Variants in SLC39A11 observed in about 807,000 individuals in gnomAD.
SLC39A11 encodes the protein zinc transporter ZIP11.
Under a neutral mutation model 36.1 loss-of-function variants are expected in SLC39A11, and 33 were observed. That is an observed-to-expected ratio of 0.91 (90% CI 0.69 to 1.22). The LOEUF is 1.22. Ranked by LOEUF, SLC39A11 falls within the 50% of genes most tolerant of loss-of-function variation. SLC39A11 has a pLI of 0.00. For synonymous variants in SLC39A11, 166 were observed against 170.3 expected, an observed-to-expected ratio of 0.97 and a Z score of 0.20; for missense variants, 432 against 430.3, an observed-to-expected ratio of 1.00 and a Z score of -0.03.
At chr17:72,762,799 C>G (rs979820669) in intron 6 of SLC39A11, among the ~76,000 whole-genome samples, 5 of 151,966 alleles carry the variant, frequency 3.3e-5, no homozygotes, top group Non-Finnish European at 5.9e-5. Context: ...TCGATTCCTA[C>G]TCAAACAGAA....
intron 5 of SLC39A11, among the ~76,000 whole-genome samples, chr17:72,900,865 G>C (rs1019776170): frequency 6.6e-6 from 1 of 152,072 alleles, no homozygotes; most frequent in Non-Finnish European, 1.5e-5. Flanking sequence ...TCTCACAGGC[G>C]ACAGCACAGT....
intron 5 of SLC39A11, among the ~76,000 whole-genome samples, chr17:72,860,028 AGGG>A (rs1456484967): frequency 1.1e-5 from 1 of 92,776 alleles, no homozygotes; most frequent in Admixed American, 1.2e-4. Context: ...AGGGGAGGGG[AGGG>A]GAGGGGAGGG....
At chr17:72,959,136 T>C (rs994969761) in intron 4 of SLC39A11, among the ~76,000 whole-genome samples, 47 of 151,538 alleles carry the variant, frequency 3.1e-4, no homozygotes, top group African/African-American at 1.1e-3. Flanking sequence ...AAAGTACAAA[T>C]ACCATTTGAT....
At chr17:72,915,689 G>C (rs2147176590) in intron 5 of SLC39A11, among the ~76,000 whole-genome samples, 1 of 152,350 alleles carries the variant, frequency 6.6e-6, no homozygotes, top group African/African-American at 2.4e-5. Flanking sequence ...TCCTGGCAGT[G>C]GGCGAAAGCC....
intron 7 of SLC39A11, among the ~76,000 whole-genome samples, chr17:72,711,095 T>C (rs1231045111): frequency 6.6e-6 from 1 of 152,192 alleles, no homozygotes; most frequent in East Asian, 1.9e-4. Context: ...AGCCTCTCCC[T>C]TTCCTCCTTC....
intron 6 of SLC39A11, among the ~76,000 whole-genome samples, chr17:72,801,258 T>A (rs1450078854): frequency 6.6e-6 from 1 of 152,236 alleles, no homozygotes; most frequent in Non-Finnish European, 1.5e-5. Flanking sequence ...TCTCATTCTG[T>A]CATCCATGCT....
At chr17:72,794,850 T>C (rs188032090) in intron 6 of SLC39A11, among the ~76,000 whole-genome samples, 3 of 151,948 alleles carry the variant, frequency 2.0e-5, no homozygotes, top group Non-Finnish European at 4.4e-5. Context: ...ACAACACACA[T>C]TGACTATCTC....
rs567998753 is a variant in SLC39A11, at chr17:72,694,555, T to C, written c.671+42095A>G. Among the ~76,000 whole-genome samples, 44 of 152,368 alleles carry C rather than the reference T, an allele frequency of 2.9e-4. 1 individual carries two copies. The highest frequency in any genetic ancestry group is 7.2e-4 in the Admixed American group (11 of 15,306). Reference sequence around the variant, plus strand: ...TCCATTGCCCCAACCACTGCGGGACTTGTTTTGTAGCAGGGCTGGTTTGGA... The same window carrying C: ...TCCATTGCCCCAACCACTGCGGGACCTGTTTTGTAGCAGGGCTGGTTTGGA... On this transcript the variant is annotated intron_variant, in intron 7 of 9. Coordinates refer to ENST00000255559, the MANE Select transcript of SLC39A11 (RefSeq NM_139177.4).
intron 4 of SLC39A11, among the ~76,000 whole-genome samples, chr17:73,000,311 A>C: frequency 8.1e-6 from 1 of 124,038 alleles, no homozygotes; most frequent in Non-Finnish European, 1.6e-5. Flanking sequence ...TCTCTCTCTC[A>C]ATCCCTCTCC....
At chr17:72,922,326 A>G (rs953746470) in intron 5 of SLC39A11, among the ~76,000 whole-genome samples, 20 of 152,336 alleles carry the variant, frequency 1.3e-4, no homozygotes, top group African/African-American at 4.8e-4. Flanking sequence ...TCTCACTTCA[A>G]TAAACTACTT....
At chr17:72,860,726 A>C (rs1303658324) in intron 5 of SLC39A11, among the ~76,000 whole-genome samples, 1 of 152,174 alleles carries the variant, frequency 6.6e-6, no homozygotes, top group Non-Finnish European at 1.5e-5. Flanking sequence ...TATCGGTGTC[A>C]TTGCAAAGAA....
At chr17:73,063,781 C>T (rs916693354) in intron 3 of SLC39A11, among the ~76,000 whole-genome samples, 4 of 152,184 alleles carry the variant, frequency 2.6e-5, no homozygotes, top group African/African-American at 4.8e-5. Flanking sequence ...CAAGTGTTCG[C>T]TGCCATCAGC....
chr17:73,020,934 G>C (rs987138879), intron 4 of SLC39A11, among the ~76,000 whole-genome samples: 8 of 152,000 alleles, frequency 5.3e-5, no homozygotes, highest in African/African-American at 1.9e-4. Flanking sequence ...ACCTGCCTTG[G>C]CTTCCCAAAG....
At chr17:72,847,157 C>A (rs2079087382) in intron 6 of SLC39A11, among the ~76,000 whole-genome samples, 1 of 152,156 alleles carries the variant, frequency 6.6e-6, no homozygotes, top group African/African-American at 2.4e-5. Flanking sequence ...AATCCCAGCA[C>A]TTTGAGAGGC....
At chr17:73,081,222 G>A (rs182080057) in intron 3 of SLC39A11, among the ~76,000 whole-genome samples, 2 of 152,116 alleles carry the variant, frequency 1.3e-5, no homozygotes, top group Non-Finnish European at 2.9e-5. Flanking sequence ...AAGAAAAAAC[G>A]CTCAACATCA....
intron 3 of SLC39A11, among the ~76,000 whole-genome samples, chr17:73,079,916 TA>T (rs1235733553): frequency 1.3e-5 from 2 of 151,960 alleles, no homozygotes; most frequent in Non-Finnish European, 2.9e-5. Context: ...ATAATAATAA[TA>T]ATACTTAGGA....
chr17:72,732,503 C>T (rs1322400100), intron 7 of SLC39A11, among the ~76,000 whole-genome samples: 3 of 152,176 alleles, frequency 2.0e-5, no homozygotes, highest in Admixed American at 6.5e-5. Flanking sequence ...TGTTTTGGGA[C>T]CATCTTGGCA....
Position 72,666,449 on chromosome 17 carries a change from A to G in SLC39A11, c.672-17181T>C, listed in dbSNP as rs866446022. On this transcript the variant is annotated intron_variant, in intron 7 of 9. Transcript: ENST00000255559. Reference sequence around the variant, plus strand: ...CCCGCAAAACAATCTTCTGGGCACAATCTTAGGAGCTGAATGCTTTGCCGC... The same window carrying G: ...CCCGCAAAACAATCTTCTGGGCACAGTCTTAGGAGCTGAATGCTTTGCCGC... Among the ~76,000 whole-genome samples the G allele has an allele frequency of 7.2e-5, 11 of 152,316 alleles. No individual in the cohort carries two copies. In the East Asian group the frequency reaches 9.6e-4, roughly 13 times the overall value.
At chr17:72,893,924 C>G (rs537688816) in intron 5 of SLC39A11, among the ~76,000 whole-genome samples, 1 of 152,128 alleles carries the variant, frequency 6.6e-6, no homozygotes, top group South Asian at 2.1e-4. Context: ...CTGCTATATA[C>G]CAGGCCCTGT....
Sources: allele counts gnomAD v4.1 joint callset (sites outside exome capture counted in the v4.1 genomes callset), GRCh38; gene constraint gnomAD v4.1.1; transcripts MANE v1.5; gene names NCBI Gene and HGNC (gene_info 2026-07-23, HGNC 2026-07-21).